Variants in AGO3 observed in about 807,000 individuals in gnomAD.
The protein encoded by AGO3 is protein argonaute-3.
Under a neutral mutation model 105.5 loss-of-function variants are expected in AGO3, and 16 were observed. The ratio of observed to expected loss-of-function variants is 0.15; its 90% CI spans 0.10 to 0.23. The LOEUF is 0.23. Among genes scored for constraint, AGO3 ranks in the 10% least tolerant of loss-of-function variants. AGO3 has a pLI of 1.00. For missense variants in AGO3, 534 were observed against 1,088.0 expected, an observed-to-expected ratio of 0.49 and a Z score of 7.16; for synonymous variants, 340 against 367.3, an observed-to-expected ratio of 0.93 and a Z score of 0.85.
At chr1:35,981,836 C>T (rs542465250) in intron 5 of AGO3, among the ~76,000 whole-genome samples, 7 of 152,222 alleles carry the variant, frequency 4.6e-5, no homozygotes, top group Non-Finnish European at 1.0e-4. Flanking sequence ...AGATTCTTTT[C>T]TTTCTGGGAG....
chr1:36,041,325 T>C (rs1222139250), intron 16 of AGO3, among the ~76,000 whole-genome samples: 1 of 139,498 alleles, frequency 7.2e-6, no homozygotes, highest in Non-Finnish European at 1.5e-5. Flanking sequence ...CGCTGCAAGC[T>C]CCGCCTCCCA....
intron 5 of AGO3, among the ~76,000 whole-genome samples, chr1:36,003,248 T>G (rs918473866): frequency 6.6e-6 from 1 of 151,900 alleles, no homozygotes; most frequent in Non-Finnish European, 1.5e-5. Context: ...ATAATAGCCA[T>G]TAATAAGTAT....
chr1:35,988,036 C>T (rs545104755), intron 5 of AGO3, among the ~76,000 whole-genome samples: 1 of 152,128 alleles, frequency 6.6e-6, no homozygotes, highest in African/African-American at 2.4e-5. Context: ...CCACTGTACT[C>T]CAGCCTGGGT....
intron 17 of AGO3, among the ~76,000 whole-genome samples, chr1:36,048,925 C>G (rs1038916241): frequency 6.6e-6 from 1 of 152,172 alleles, no homozygotes. Context: ...CCAGACTGGT[C>G]TTGAATCCAG....
At chr1:36,009,104 A>G (rs1200080113) in intron 8 of AGO3, 60 bp downstream of exon 8, 2 of 1,383,182 alleles carry the variant, frequency 1.4e-6, no homozygotes, top group Non-Finnish European at 1.8e-6. Context: ...GGGGTCTTTT[A>G]TGGCCGATAA....
In AGO3 at chr1:35,931,217, C is replaced by T. The variant is rs1646039164; in HGVS notation, c.-210C>T. 1 of 411,648 alleles carries T rather than the reference C, an allele frequency of 2.4e-6. No individual in the cohort carries two copies. The highest frequency in any genetic ancestry group is 4.3e-6 in the Non-Finnish European group (1 of 231,552). 25.5% of individuals were successfully genotyped at this position (411,648 alleles called of 1,614,324 possible). A position where few individuals can be genotyped will look rare whatever the true frequency, so the allele number is the denominator to read the frequency against. ...CTGTCCGCGCCTCACATCTCCCCTT[C>T]CTCTCGCCTAGTCCTGTGCCGTTTT... is the stretch of plus-strand genomic sequence containing the variant. On this transcript the variant is annotated 5_prime_UTR_variant, in exon 1 of 19. Coordinates refer to ENST00000373191, the MANE Select transcript of AGO3 (RefSeq NM_024852.4).
chr1:36,018,431 T>G (rs1016343138), intron 11 of AGO3, among the ~76,000 whole-genome samples: 2 of 151,294 alleles, frequency 1.3e-5, no homozygotes, highest in Non-Finnish European at 2.9e-5. Flanking sequence ...TGTGTGAGGG[T>G]TTTTGTTTTT....
At chr1:36,029,675 C>T (rs202212434) in intron 12 of AGO3, among the ~76,000 whole-genome samples, 2 of 149,360 alleles carry the variant, frequency 1.3e-5, no homozygotes, top group Admixed American at 6.7e-5. Flanking sequence ...GGATTACAGG[C>T]GTGAGCCACC....
chr1:35,936,925 T>C (rs1646158467), intron 1 of AGO3, among the ~76,000 whole-genome samples: 1 of 152,176 alleles, frequency 6.6e-6, no homozygotes, highest in Non-Finnish European at 1.5e-5. Context: ...GTGTTCTCAA[T>C]TGTAAGCTTA....
Position 35,990,737 on chromosome 1 carries a change from AATTT to A in AGO3, c.659-13600_659-13597del, listed in dbSNP as rs1647561377. Among the ~76,000 whole-genome samples the A allele has an allele frequency of 2.0e-5, 3 of 152,314 alleles. No individual in the cohort carries two copies. In the South Asian group the frequency reaches 6.2e-4, roughly 32 times the overall value. On this transcript the variant is annotated intron_variant, in intron 5 of 18. Transcript: ENST00000373191. ...TAGTAAATAAAAAATTCTAGTAAAT[AATTT>A]ATTAATCACAGTATTAGTGTTGCTT... is the stretch of plus-strand genomic sequence containing the variant.
intron 17 of AGO3, among the ~76,000 whole-genome samples, chr1:36,045,995 T>C (rs779477614): frequency 6.6e-6 from 1 of 152,062 alleles, no homozygotes; most frequent in African/African-American, 2.4e-5. Context: ...CAAATCAGGA[T>C]CAGCTGGGAA....
intron 2 of AGO3, among the ~76,000 whole-genome samples, chr1:35,954,530 C>T (rs917163543): frequency 7.9e-5 from 12 of 152,120 alleles, no homozygotes; most frequent in Admixed American, 6.5e-4. Flanking sequence ...TCTGAACTTA[C>T]CACATGTTTA....
intron 14 of AGO3, among the ~76,000 whole-genome samples, chr1:36,036,918 A>T (rs1173088833): frequency 2.7e-5 from 4 of 147,738 alleles, no homozygotes; most frequent in African/African-American, 7.5e-5. Context: ...CTGGTCTTGA[A>T]CTCCTGATCT....
chr1:35,944,686 T>C (rs1646328408), intron 1 of AGO3, among the ~76,000 whole-genome samples: 1 of 151,562 alleles, frequency 6.6e-6, no homozygotes, highest in South Asian at 2.1e-4. Context: ...TTTTTTTAAA[T>C]AGAGACAGGG....
At chr1:35,999,549 AAG>A (rs1038366825) in intron 5 of AGO3, among the ~76,000 whole-genome samples, 3 of 152,194 alleles carry the variant, frequency 2.0e-5, no homozygotes, top group South Asian at 2.1e-4. Flanking sequence ...CTTTCAATAA[AAG>A]AGATACTTAT....
At chr1:35,977,935 G>A (rs1569579825) in intron 5 of AGO3, among the ~76,000 whole-genome samples, 1 of 152,048 alleles carries the variant, frequency 6.6e-6, no homozygotes, top group African/African-American at 2.4e-5. Flanking sequence ...TTTATTGAGT[G>A]CTTTCTGATT....
At chr1:36,016,643 C>G (rs1216005524) in intron 11 of AGO3, among the ~76,000 whole-genome samples, 14 of 151,960 alleles carry the variant, frequency 9.2e-5, no homozygotes, top group Non-Finnish European at 5.9e-5. Context: ...CCATCATAAA[C>G]TTACTTATTT....
rs947198685 is a variant in AGO3, at chr1:36,054,502, C to T, written c.2275-444C>T. Among the ~76,000 whole-genome samples the T allele has an allele frequency of 3.9e-5, 6 of 152,162 alleles. 1 individual carries two copies. In the South Asian group the frequency reaches 1.0e-3, roughly 26 times the overall value. On this transcript the variant is annotated intron_variant, in intron 17 of 18. Coordinates refer to ENST00000373191, the MANE Select transcript of AGO3 (RefSeq NM_024852.4). ...TGTTGTGCAGGCTGGTCTTGAACTC[C>T]TGGCCTCAAGCTACCCTCCCACTTT...
chr1:35,996,750 G>A lies in AGO3; in HGVS notation c.659-7591G>A, dbSNP rs192219339. On this transcript the variant is annotated intron_variant, in intron 5 of 18. Coordinates refer to ENST00000373191, the MANE Select transcript of AGO3 (RefSeq NM_024852.4). ...TGCACCGTTGCACTCCAGCCTGGGC[G>A]ACGAGCAAAACTCCATCTCAAAAAA... Among the ~76,000 whole-genome samples, 186 of 147,484 alleles carry A rather than the reference G, an allele frequency of 1.3e-3. 1 individual carries two copies. The highest frequency in any genetic ancestry group is 7.1e-3 in the Middle Eastern group (2 of 280).
Sources: allele counts gnomAD v4.1 joint callset (sites outside exome capture counted in the v4.1 genomes callset), GRCh38; gene constraint gnomAD v4.1.1; transcripts MANE v1.5; gene names NCBI Gene and HGNC (gene_info 2026-07-23, HGNC 2026-07-21).